The following RAB11FIP3 variants were observed in gnomAD, a reference collection of about 807,000 sequenced individuals.
RAB11FIP3 encodes RAB11 family interacting protein 3, also known as rab11 family-interacting protein 3.
A neutral mutation model predicts 77.8 loss-of-function variants in RAB11FIP3; 17 were observed. That is an observed-to-expected ratio of 0.22 (90% CI 0.15 to 0.33). The LOEUF (loss-of-function observed/expected upper bound fraction) is 0.33, where lower values mean the gene tolerates loss of function less well. RAB11FIP3 is among the 10% of genes least tolerant of loss of function. The probability of loss-of-function intolerance (pLI) is 1.00; values close to 1 mark genes in which losing one functional copy is unlikely to be tolerated. For synonymous variants in RAB11FIP3, 437 were observed against 448.2 expected (o/e 0.98, Z 0.31); for missense variants, 1,005 against 1,011.2 (o/e 0.99, Z 0.08).
chr16:464,100 G>A (rs538578496), intron 2 of RAB11FIP3, among the ~76,000 whole-genome samples: 1 of 152,254 alleles, frequency 6.6e-6, no homozygotes, highest in South Asian at 2.1e-4. Context: ...GCTGAGAGGA[G>A]CGTGCAGGCA....
chr16:467,434 G>A (rs992675450), intron 2 of RAB11FIP3, among the ~76,000 whole-genome samples: 3 of 151,544 alleles, frequency 2.0e-5, no homozygotes, highest in Non-Finnish European at 4.4e-5. Flanking sequence ...GGAGGTGCTG[G>A]GACGTCAGGG....
intron 1 of RAB11FIP3, among the ~76,000 whole-genome samples, chr16:437,823 C>T (rs1462888738): frequency 1.2e-4 from 19 of 152,202 alleles, no homozygotes; most frequent in Middle Eastern, 3.4e-3. Flanking sequence ...GACAGTGTCT[C>T]GCTCTGTTGC....
intron 1 of RAB11FIP3, among the ~76,000 whole-genome samples, chr16:455,062 A>C (rs534335644): frequency 0.024 from 3,553 of 147,294 alleles, 141 homozygotes; most frequent in African/African-American, 0.065. Flanking sequence ...AAAAAAAAAC[A>C]AAAAAACTAG....
At position 506,079 on chromosome 16, in the gene RAB11FIP3, TACGCGACAGG is replaced by T. The variant is rs2031857006; in HGVS notation, c.1499+458_1499+467del. 6.6e-6 allele frequency among the ~76,000 whole-genome samples: 1 copy of T among 152,174 alleles called. No homozygotes were observed. The highest frequency in any genetic ancestry group is 1.5e-5 in the Non-Finnish European group (1 of 68,020). On this transcript the variant is annotated intron_variant, in intron 8 of 13. Coordinates refer to ENST00000262305, the MANE Select transcript of RAB11FIP3 (RefSeq NM_014700.4). This position sits in a 1 kb window ranked among gnomAD's most constrained non-coding sequence, Gnocchi z 4.5. ...AGCGAAATGAGCAGTGACTGCTGAG[TACGCGACAGG>T]ACGCGCAGTCTCATCGCTGTGGGCA...
chr16:467,788 G>A (rs2055732788), intron 2 of RAB11FIP3, among the ~76,000 whole-genome samples: 1 of 57,616 alleles, frequency 1.7e-5, no homozygotes, highest in Non-Finnish European at 3.5e-5. Flanking sequence ...AGGTGCTGGG[G>A]CCTCAGGGAG....
At chr16:476,910 G>A (rs1036180834) in intron 3 of RAB11FIP3, among the ~76,000 whole-genome samples, 4 of 152,064 alleles carry the variant, frequency 2.6e-5, no homozygotes, top group African/African-American at 9.7e-5. Flanking sequence ...CCAACACGGT[G>A]AAACCCTGTC....
rs1424283188 is a variant in RAB11FIP3, at chr16:426,940, G to T, written c.714+220G>T. ...TCTTAAAAGGAGGTTCTATTCTGGGGAGTCAGTTTCTTCCCCTCCCCCCAG... is the reference window on the plus strand; with the variant it reads ...TCTTAAAAGGAGGTTCTATTCTGGGTAGTCAGTTTCTTCCCCTCCCCCCAG... On this transcript the variant is annotated intron_variant, in intron 1 of 13. Coordinates refer to ENST00000262305, the MANE Select transcript of RAB11FIP3 (RefSeq NM_014700.4). The surrounding 1 kb of genome is among the most constrained non-coding windows in gnomAD (Gnocchi z 5.0). 6.6e-6 allele frequency among the ~76,000 whole-genome samples: 1 copy of T among 152,148 alleles called. No individual in the cohort carries two copies. Among genetic ancestry groups the T allele is most frequent in the East Asian group, 1.9e-4 (1 of 5,180 alleles).
intron 5 of RAB11FIP3, among the ~76,000 whole-genome samples, chr16:492,459 C>CG (rs35752325): frequency 2.1e-5 from 1 of 48,620 alleles, no homozygotes; most frequent in African/African-American, 1.1e-4. Context: ...GGGCCCTTCC[C>CG]GGGGAGACCC....
chr16:445,590 G>C (rs1320363953), intron 1 of RAB11FIP3, among the ~76,000 whole-genome samples: 1 of 152,172 alleles, frequency 6.6e-6, no homozygotes, highest in Non-Finnish European at 1.5e-5. Flanking sequence ...GGTCTGGTAT[G>C]GGGGGATGAG....
intron 1 of RAB11FIP3, among the ~76,000 whole-genome samples, chr16:436,166 C>T (rs892371864): frequency 7.9e-5 from 12 of 152,066 alleles, no homozygotes; most frequent in African/African-American, 2.7e-4. Flanking sequence ...AAAAATTAGC[C>T]GGGCGTGGTG....
At chr16:431,694 A>G (rs1446634024) in intron 1 of RAB11FIP3, among the ~76,000 whole-genome samples, 2 of 151,854 alleles carry the variant, frequency 1.3e-5, no homozygotes, top group Non-Finnish European at 2.9e-5. Context: ...TTTAACACAG[A>G]CATAGACACA....
chr16:429,573 C>T (rs934755299), intron 1 of RAB11FIP3, among the ~76,000 whole-genome samples: 23 of 148,414 alleles, frequency 1.5e-4, no homozygotes, highest in Non-Finnish European at 3.1e-4. Flanking sequence ...GATCTCGGCT[C>T]ACTGCAACCT....
chr16:446,849 T>C (rs2055325515), intron 1 of RAB11FIP3, among the ~76,000 whole-genome samples: 1 of 152,010 alleles, frequency 6.6e-6, no homozygotes, highest in Admixed American at 6.6e-5. Context: ...TACAGGCACA[T>C]GCCTCCGTGC....
chr16:432,662 C>T (rs897287027), intron 1 of RAB11FIP3, among the ~76,000 whole-genome samples: 11 of 145,172 alleles, frequency 7.6e-5, no homozygotes, highest in African/African-American at 1.5e-4. Context: ...TTCAGTGGTA[C>T]GATCTCGGCT....
At chr16:515,556 C>T (rs1312617311) in intron 9 of RAB11FIP3, among the ~76,000 whole-genome samples, 1 of 151,078 alleles carries the variant, frequency 6.6e-6, no homozygotes, top group East Asian at 2.0e-4. Context: ...CTTGGAGCAG[C>T]CACACGGGCG....
At chr16:430,811 G>A (rs1297878486) in intron 1 of RAB11FIP3, among the ~76,000 whole-genome samples, 11 of 152,278 alleles carry the variant, frequency 7.2e-5, no homozygotes, top group East Asian at 1.9e-4. Flanking sequence ...GTCAGGAGAC[G>A]GTGAAACCCC....
intron 1 of RAB11FIP3, among the ~76,000 whole-genome samples, chr16:436,785 G>T (rs2055137388): frequency 1.3e-5 from 2 of 152,030 alleles, no homozygotes; most frequent in African/African-American, 4.8e-5. Context: ...TTTATTTTTC[G>T]TAGAGACGAG....
chr16:440,189 G>T (rs1488609227), intron 1 of RAB11FIP3, among the ~76,000 whole-genome samples: 1 of 152,000 alleles, frequency 6.6e-6, no homozygotes, highest in African/African-American at 2.4e-5. Flanking sequence ...TTTCTTTTGA[G>T]ACAGGGTCTC....
At chr16:470,175 T>TTACTA (rs1487728003) in intron 2 of RAB11FIP3, among the ~76,000 whole-genome samples, 2 of 152,050 alleles carry the variant, frequency 1.3e-5, no homozygotes, top group Non-Finnish European at 2.9e-5. Flanking sequence ...TTTTACTATT[T>TTACTA]TTAGTAGAGA....
Sources: gnomAD v4.1 joint callset for allele counts (sites outside exome capture counted in the v4.1 genomes callset) on GRCh38, gnomAD v4.1.1 for gene constraint, Gnocchi (gnomAD v3.1) non-coding constraint, MANE v1.5 for transcripts, NCBI Gene and HGNC (gene_info 2026-07-23, HGNC 2026-07-21) for gene names.